Variants in ENTREP2 observed in about 807,000 individuals in gnomAD.
The protein encoded by ENTREP2 is endosomal transmembrane epsin interactor 2.
chr15:29,343,030 G>GGGGT, the ENTREP2 span, among the ~76,000 whole-genome samples: 3 of 148,892 alleles, frequency 2.0e-5, 1 homozygote, highest in Admixed American at 6.7e-5. Flanking sequence ...AAAGGAATGG[G>GGGGT]GGGGGTGGTT....
chr15:29,347,961 CAG>C, the ENTREP2 span, among the ~76,000 whole-genome samples: 1 of 152,104 alleles, frequency 6.6e-6, no homozygotes, highest in Non-Finnish European at 1.5e-5. Flanking sequence ...CTGGAGGGCA[CAG>C]AGAGTCAGGT....
the ENTREP2 span, among the ~76,000 whole-genome samples, chr15:29,589,305 A>T: frequency 1.3e-5 from 2 of 152,202 alleles, no homozygotes; most frequent in African/African-American, 4.8e-5. Context: ...AAAGGTTTTT[A>T]AAATCTCTAC....
chr15:29,447,367 A>G, the ENTREP2 span, among the ~76,000 whole-genome samples: 53 of 152,312 alleles, frequency 3.5e-4, no homozygotes, highest in Admixed American at 2.6e-4. Flanking sequence ...AACAGAGTAC[A>G]GGGAGCTCTG....
chr15:29,123,225 A>G, the ENTREP2 span: 1 of 1,145,332 alleles, frequency 8.7e-7, no homozygotes, highest in South Asian at 1.8e-5. Context: ...TGTCCCCCCC[A>G]CATTTATCCT....
At chr15:29,492,058 G>C in the ENTREP2 span, among the ~76,000 whole-genome samples, 1 of 135,392 alleles carries the variant, frequency 7.4e-6, no homozygotes, top group Admixed American at 7.1e-5. Context: ...TTCTACTGTT[G>C]GTTTGATTTT....
the ENTREP2 span, among the ~76,000 whole-genome samples, chr15:29,634,824 G>A: frequency 6.6e-6 from 1 of 152,160 alleles, no homozygotes; most frequent in Non-Finnish European, 1.5e-5. Flanking sequence ...TACCTTTAGT[G>A]GCTGATCACA....
At chr15:29,341,633 G>A in the ENTREP2 span, among the ~76,000 whole-genome samples, 1 of 152,166 alleles carries the variant, frequency 6.6e-6, no homozygotes, top group Non-Finnish European at 1.5e-5. Context: ...GAGTCAAAAG[G>A]GGGAGTGGCG....
At chr15:29,282,170 G>C in the ENTREP2 span, among the ~76,000 whole-genome samples, 9 of 152,140 alleles carry the variant, frequency 5.9e-5, no homozygotes, top group Admixed American at 5.9e-4. Context: ...TGTTGTGGGA[G>C]GGACCCCACG....
the ENTREP2 span, among the ~76,000 whole-genome samples, chr15:29,484,795 T>A: frequency 2.0e-5 from 3 of 152,178 alleles, no homozygotes; most frequent in Admixed American, 2.0e-4. Context: ...AATAAGAACT[T>A]AAGTCACAAA....
At chr15:29,175,748 G>A in the ENTREP2 span, among the ~76,000 whole-genome samples, 2 of 152,346 alleles carry the variant, frequency 1.3e-5, no homozygotes, top group South Asian at 4.1e-4. Flanking sequence ...GAGATTACAG[G>A]TGCCCGCCAC....
the ENTREP2 span, among the ~76,000 whole-genome samples, chr15:29,150,358 C>A: frequency 6.6e-6 from 1 of 152,174 alleles, no homozygotes; most frequent in Non-Finnish European, 1.5e-5. Context: ...TTACTTTATT[C>A]TTATTTAGTT....
At chr15:29,304,855 G>A in the ENTREP2 span, among the ~76,000 whole-genome samples, 8 of 152,070 alleles carry the variant, frequency 5.3e-5, no homozygotes, top group Admixed American at 3.9e-4. Flanking sequence ...TATTCCCTCT[G>A]CCTCAGACAT....
chr15:29,312,194 T>C, the ENTREP2 span, among the ~76,000 whole-genome samples: 1 of 152,208 alleles, frequency 6.6e-6, no homozygotes, highest in African/African-American at 2.4e-5. Flanking sequence ...TCTGAAGTAT[T>C]AGCCCATGTA....
chr15:29,589,060 A>G, the ENTREP2 span, among the ~76,000 whole-genome samples: 4 of 152,168 alleles, frequency 2.6e-5, no homozygotes, highest in Non-Finnish European at 5.9e-5. Context: ...CTTGAGTGAT[A>G]AAACCATACA....
the ENTREP2 span, chr15:29,233,653 A>G: frequency 8.7e-6 from 8 of 921,398 alleles, no homozygotes; most frequent in East Asian, 2.4e-5. Context: ...ATGCACTGTA[A>G]TAAAGCTATG....
At chr15:29,295,082 C>T in the ENTREP2 span, among the ~76,000 whole-genome samples, 2 of 152,194 alleles carry the variant, frequency 1.3e-5, no homozygotes, top group Non-Finnish European at 2.9e-5. Flanking sequence ...CATGAAGACC[C>T]TTGGATTGGA....
chr15:29,158,615 T>C, the ENTREP2 span, among the ~76,000 whole-genome samples: 787 of 152,248 alleles, frequency 5.2e-3, 7 homozygotes, highest in African/African-American at 0.018. Context: ...TTTCACCATG[T>C]TGGCTAGGCT....
chr15:29,535,444 G>A, the ENTREP2 span, among the ~76,000 whole-genome samples: 1 of 151,812 alleles, frequency 6.6e-6, no homozygotes, highest in African/African-American at 2.4e-5. Context: ...ACAACTTTGG[G>A]AGGCTAAGGC....
the ENTREP2 span, among the ~76,000 whole-genome samples, chr15:29,552,165 T>A: frequency 1.3e-5 from 2 of 152,070 alleles, no homozygotes; most frequent in African/African-American, 2.4e-5. Context: ...CTAAAATTCA[T>A]AAACCTAGAA....
Sources: allele counts gnomAD v4.1 joint callset (sites outside exome capture counted in the v4.1 genomes callset), GRCh38; gene constraint gnomAD v4.1.1; transcripts MANE v1.5; gene names NCBI Gene and HGNC (gene_info 2026-07-23, HGNC 2026-07-21).